Variants in SBF2 observed in about 807,000 individuals in gnomAD.
The protein encoded by SBF2 is SET binding factor 2, also known as myotubularin-related protein 13.
In SBF2, 112 loss-of-function variants were observed where a neutral mutation model predicts 225.2. The observed-to-expected ratio is 0.50, with a 90% CI of 0.43 to 0.58. SBF2 has a LOEUF of 0.58. Ranked by LOEUF, SBF2 falls within the 20% of genes least tolerant of loss-of-function variation. The probability of loss-of-function intolerance (pLI) is 0.00; values close to 1 mark genes in which losing one functional copy is unlikely to be tolerated. For missense variants in SBF2, 1,996 were observed against 2,206.2 expected, an observed-to-expected ratio of 0.90 and a Z score of 1.91; for synonymous variants, 763 against 773.3, an observed-to-expected ratio of 0.99 and a Z score of 0.22.
Position 9,784,929 on chromosome 11 carries a change from C to T in SBF2, c.5231+196G>A, listed in dbSNP as rs775730825. On this transcript the variant is annotated intron_variant, in intron 37 of 39. Coordinates refer to ENST00000256190, the MANE Select transcript of SBF2 (RefSeq NM_030962.4). ...CAACTACAAATAACTACAACCTCTT[C>T]GAATTATTTTTAGTTGTAATTTTTG... The T allele has an allele frequency of 6.2e-4, 393 of 628,862 alleles. 1 individual carries two copies. Among genetic ancestry groups the T allele is most frequent in the Non-Finnish European group, 7.0e-4 (249 of 355,620 alleles). 39.0% of individuals were successfully genotyped at this position (628,862 alleles called of 1,614,324 possible).
chr11:9,913,339 T>G (rs1348177602), intron 16 of SBF2, among the ~76,000 whole-genome samples: 2 of 152,100 alleles, frequency 1.3e-5, no homozygotes, highest in Non-Finnish European at 2.9e-5. Context: ...TCAACTTCAG[T>G]AGTAAATGCA....
At chr11:9,906,098 C>T (rs1019254524) in intron 16 of SBF2, among the ~76,000 whole-genome samples, 5 of 152,180 alleles carry the variant, frequency 3.3e-5, no homozygotes, top group Non-Finnish European at 7.4e-5. Flanking sequence ...TCCTCACCCC[C>T]TTAGGACACT....
intron 2 of SBF2, among the ~76,000 whole-genome samples, chr11:10,179,899 C>T (rs1021000891): frequency 2.1e-4 from 32 of 152,050 alleles, no homozygotes; most frequent in African/African-American, 6.8e-4. Flanking sequence ...TTCAAGGTTA[C>T]CATGAGGCTT....
intron 16 of SBF2, among the ~76,000 whole-genome samples, chr11:9,948,527 A>G (rs1341278030): frequency 6.6e-6 from 1 of 152,124 alleles, no homozygotes; most frequent in Non-Finnish European, 1.5e-5. Flanking sequence ...CCCTTCTTAT[A>G]TTTTCCTTGC....
chr11:10,260,454 C>T (rs751911973), intron 1 of SBF2, among the ~76,000 whole-genome samples: 1 of 151,984 alleles, frequency 6.6e-6, no homozygotes, highest in Non-Finnish European at 1.5e-5. Context: ...CGGTGGCTCA[C>T]GCCTGTAATC....
intron 1 of SBF2, among the ~76,000 whole-genome samples, chr11:10,235,984 T>C (rs1427879569): frequency 6.6e-6 from 1 of 152,012 alleles, no homozygotes; most frequent in African/African-American, 2.4e-5. Context: ...GATAGGACAA[T>C]CATTTGAGTC....
At chr11:10,298,500 G>A (rs1314233423), upstream of SBF2, among the ~76,000 whole-genome samples, 1 of 152,244 alleles carries the variant, frequency 6.6e-6, no homozygotes, top group Non-Finnish European at 1.5e-5. Flanking sequence ...TAAGTGGTTT[G>A]ATCTGTACAG....
intron 2 of SBF2, among the ~76,000 whole-genome samples, chr11:10,090,036 T>C (rs1226021871): frequency 1.3e-5 from 2 of 152,190 alleles, no homozygotes; most frequent in Non-Finnish European, 2.9e-5. Context: ...TGCCACAACC[T>C]GAATGAGCTT....
chr11:9,906,646 G>T (rs1015008001), intron 16 of SBF2, among the ~76,000 whole-genome samples: 2 of 152,178 alleles, frequency 1.3e-5, no homozygotes, highest in Admixed American at 1.3e-4. Flanking sequence ...TACAACTATT[G>T]ACACAGCAAC....
chr11:10,096,446 A>C (rs915869771), intron 2 of SBF2, among the ~76,000 whole-genome samples: 7 of 149,736 alleles, frequency 4.7e-5, no homozygotes, highest in African/African-American at 1.7e-4. Context: ...AAAAAAAGTA[A>C]TGAAATGAGC....
chr11:9,832,395 G>C lies in SBF2; in HGVS notation c.3481C>G (p.Gln1161Glu). Residue 1161 changes from glutamine (Q) to glutamate (E), a missense_variant, in exon 27 of 40, where the codon CAA becomes GAA. Physicochemically the swap from Gln to Glu is conservative, Grantham distance 29. Coordinates refer to ENST00000256190, the MANE Select transcript of SBF2 (RefSeq NM_030962.4). Reference sequence around the variant, plus strand: ...GGTAAACTACTGTCCTGTACAGCTTGAGGTACGACTAAAAGGCCAGGATAG... The same window carrying C: ...GGTAAACTACTGTCCTGTACAGCTTCAGGTACGACTAAAAGGCCAGGATAG... ...RSYPGLLVVP[Q>E]AVQDSSLPRV... is the part of the protein sequence containing the mutation. 1 of 1,613,950 alleles carries C rather than the reference G, an allele frequency of 6.2e-7. No individual in the cohort carries two copies. Among genetic ancestry groups the C allele is most frequent in the Non-Finnish European group, 8.5e-7 (1 of 1,179,896 alleles).
intron 2 of SBF2, among the ~76,000 whole-genome samples, chr11:10,066,870 G>T (rs1323070343): frequency 1.3e-5 from 2 of 152,158 alleles, no homozygotes; most frequent in Non-Finnish European, 2.9e-5. Context: ...GAACAAATAA[G>T]TTTAGCAAGG....
chr11:9,976,072 CTTTTTTTTTTT>C (rs773334975), intron 13 of SBF2, among the ~76,000 whole-genome samples: 1 of 128,262 alleles, frequency 7.8e-6, no homozygotes. Context: ...TCTTCTTCTT[CTTTTTTTTTTT>C]TTTTTTTTGA....
intron 1 of SBF2, among the ~76,000 whole-genome samples, chr11:10,221,851 T>C (rs188354495): frequency 1.3e-5 from 2 of 152,192 alleles, no homozygotes; most frequent in Admixed American, 6.5e-5. Flanking sequence ...GTCAGCACCA[T>C]AGCAAGTACC....
At position 9,789,275 on chromosome 11, in the gene SBF2, G is replaced by A; in HGVS notation, c.4766C>T (p.Ser1589Phe). 2 of 1,614,202 alleles carry A rather than the reference G, an allele frequency of 1.2e-6. No individual in the cohort carries two copies. The highest frequency in any genetic ancestry group is 1.7e-6 in the Non-Finnish European group (2 of 1,180,038). Residue 1589 changes from serine to phenylalanine, a missense_variant, in exon 35 of 40, where the codon TCC (serine) becomes TTC (phenylalanine). Transcript: ENST00000256190. ...KWDYYIEETL[S>F]TGPSYDWMML... ...CATCCAGTCATAGGAAGGGCCTGTGGACAGGGTCTCTTCTATGTAGTAATC... is the reference window on the plus strand; with the variant it reads ...CATCCAGTCATAGGAAGGGCCTGTGAACAGGGTCTCTTCTATGTAGTAATC...
rs562519450 is a variant in SBF2, at chr11:10,133,504, C to G, written c.141+60398G>C. ...ATCGAACGCAGTGCCGGTGGGCCAG[C>G]ACTGCTGGGGGACTCAGTACACCCT... is the stretch of plus-strand genomic sequence containing the variant. On this transcript the variant is annotated intron_variant, in intron 2 of 39. Transcript: ENST00000256190. Among the ~76,000 whole-genome samples, 53 of 136,556 alleles carry G rather than the reference C, an allele frequency of 3.9e-4. 3 individuals carry two copies. Among genetic ancestry groups the G allele is most frequent in the African/African-American group, 1.0e-3 (40 of 39,588 alleles). 89.6% of individuals were successfully genotyped at this position (136,556 alleles called of 152,430 possible).
chr11:9,807,901 G>T, intron 32 of SBF2, 99 bp downstream of exon 32: 1 of 1,051,918 alleles, frequency 9.5e-7, no homozygotes, highest in Non-Finnish European at 1.4e-6. Context: ...TCAGAGTTAT[G>T]ACAGGAAGGT....
intron 33 of SBF2, among the ~76,000 whole-genome samples, chr11:9,792,486 A>ACT (rs1852813878): frequency 6.6e-6 from 1 of 151,894 alleles, no homozygotes; most frequent in South Asian, 2.1e-4. Flanking sequence ...GAGATTACTT[A>ACT]CTCTCCACTT....
At chr11:9,799,161 T>C (rs923123284) in intron 32 of SBF2, among the ~76,000 whole-genome samples, 2 of 152,172 alleles carry the variant, frequency 1.3e-5, no homozygotes, top group South Asian at 2.1e-4. Flanking sequence ...TGATCTTAAG[T>C]TGAACTTACA....
Sources: allele counts gnomAD v4.1 joint callset (sites outside exome capture counted in the v4.1 genomes callset), GRCh38; gene constraint gnomAD v4.1.1; transcripts MANE v1.5; gene names NCBI Gene and HGNC (gene_info 2026-07-23, HGNC 2026-07-21).